DAB1: variants seen among roughly 807,000 people sequenced by gnomAD.
DAB1 encodes the protein disabled homolog 1.
A neutral mutation model predicts 64.6 loss-of-function variants in DAB1; 15 were observed. The ratio of observed to expected loss-of-function variants is 0.23; its 90% CI spans 0.16 to 0.36. The LOEUF (loss-of-function observed/expected upper bound fraction) is 0.36, where lower values mean the gene tolerates loss of function less well. DAB1 is among the 10% of genes least tolerant of loss of function. The probability of loss-of-function intolerance (pLI) is 1.00; values close to 1 mark genes in which losing one functional copy is unlikely to be tolerated. For synonymous variants in DAB1, 235 were observed against 251.9 expected, an observed-to-expected ratio of 0.93 and a Z score of 0.64; for missense variants, 596 against 706.7, an observed-to-expected ratio of 0.84 and a Z score of 1.78.
At chr1:58,246,634 G>C (rs115198631) in intron 4 of DAB1, among the ~76,000 whole-genome samples, 2,277 of 152,280 alleles carry the variant, frequency 0.015, 55 homozygotes, top group African/African-American at 0.052. Context: ...AGGTGTGCAT[G>C]TGTGAGTATG....
intron 4 of DAB1, among the ~76,000 whole-genome samples, chr1:58,231,032 C>T (rs111227362): frequency 6.6e-6 from 1 of 152,106 alleles, no homozygotes; most frequent in East Asian, 1.9e-4. Flanking sequence ...GCAATGGGGA[C>T]GATTATAGTG....
At chr1:58,129,539 A>C (rs1282682587) in intron 5 of DAB1, among the ~76,000 whole-genome samples, 1 of 128,768 alleles carries the variant, frequency 7.8e-6, no homozygotes, top group East Asian at 2.4e-4. Flanking sequence ...AGTTCTTTTA[A>C]TTGTGATGTT....
intron 4 of DAB1, among the ~76,000 whole-genome samples, chr1:58,320,081 T>C (rs1662647671): frequency 6.6e-6 from 1 of 152,230 alleles, no homozygotes; most frequent in African/African-American, 2.4e-5. Context: ...AGGTATGCTA[T>C]GGAGAGAGAA....
At chr1:57,968,108 G>A (rs920699434) in intron 5 of DAB1, among the ~76,000 whole-genome samples, 7 of 152,178 alleles carry the variant, frequency 4.6e-5, no homozygotes, top group African/African-American at 1.7e-4. Context: ...GTGGATGTGT[G>A]TGTGTGTGAA....
At chr1:57,308,205 C>G (rs903202192) in intron 1 of DAB1, among the ~76,000 whole-genome samples, 3 of 152,188 alleles carry the variant, frequency 2.0e-5, no homozygotes, top group African/African-American at 7.2e-5. Context: ...AATGAGCCAG[C>G]CTTGATTAGG....
At chr1:57,706,696 C>T in intron 6 of DAB1, among the ~76,000 whole-genome samples, 1 of 152,074 alleles carries the variant, frequency 6.6e-6, no homozygotes, top group East Asian at 1.9e-4. Flanking sequence ...TATCCTACCC[C>T]AACCAGGAAA....
chr1:58,057,289 T>C (rs999637836), intron 5 of DAB1, among the ~76,000 whole-genome samples: 4 of 152,164 alleles, frequency 2.6e-5, no homozygotes, highest in Non-Finnish European at 5.9e-5. Context: ...GCCACCCCCA[T>C]TGTACTGGGT....
chr1:58,426,317 A>G (rs936302055), intron 3 of DAB1, among the ~76,000 whole-genome samples: 1 of 152,168 alleles, frequency 6.6e-6, no homozygotes, highest in African/African-American at 2.4e-5. Flanking sequence ...GGATTTAGAC[A>G]GGGGACTTCA....
chr1:57,409,820 C>G (rs1037733537), intron 1 of DAB1, among the ~76,000 whole-genome samples: 2 of 152,060 alleles, frequency 1.3e-5, no homozygotes, highest in African/African-American at 2.4e-5. Flanking sequence ...AAAAAGCAAA[C>G]AAACAAACAA....
intron 1 of DAB1, among the ~76,000 whole-genome samples, chr1:57,408,889 C>A (rs192799619): frequency 6.6e-6 from 1 of 152,138 alleles, no homozygotes; most frequent in Non-Finnish European, 1.5e-5. Context: ...ATTTCTTAGG[C>A]GCCCTTGTCA....
chr1:57,778,761 A>G (rs1413290180), intron 6 of DAB1, among the ~76,000 whole-genome samples: 3 of 152,118 alleles, frequency 2.0e-5, no homozygotes, highest in Non-Finnish European at 1.5e-5. Flanking sequence ...CCTGTCACGT[A>G]GGAGAGTTGT....
At chr1:58,160,247 T>G (rs1422257078) in intron 4 of DAB1, among the ~76,000 whole-genome samples, 1 of 152,114 alleles carries the variant, frequency 6.6e-6, no homozygotes, top group Non-Finnish European at 1.5e-5. Flanking sequence ...TGAATGGCTC[T>G]GGGAACTTCT....
intron 7 of DAB1, among the ~76,000 whole-genome samples, chr1:57,486,302 C>A (rs1334417123): frequency 6.6e-6 from 1 of 152,160 alleles, no homozygotes; most frequent in Non-Finnish European, 1.5e-5. Flanking sequence ...AATTGCCTCA[C>A]CAGTCTTCAG....
chr1:58,530,588 G>A (rs373209306), intron 1 of DAB1: 6 of 869,804 alleles, frequency 6.9e-6, no homozygotes, highest in African/African-American at 4.9e-5. Context: ...TCAAGTTATT[G>A]TCTCAGACTT....
chr1:57,174,415 A>G (rs1055630668), intron 2 of DAB1, among the ~76,000 whole-genome samples: 19 of 152,218 alleles, frequency 1.2e-4, no homozygotes, highest in African/African-American at 4.6e-4. Context: ...CAAAATGATT[A>G]TAATATGCCC....
chr1:57,606,658 TGA>T, intron 7 of DAB1, among the ~76,000 whole-genome samples: 3 of 92,340 alleles, frequency 3.2e-5, no homozygotes, highest in Admixed American at 2.6e-4. Flanking sequence ...ATATTATGTA[TGA>T]AATATATATG....
intron 6 of DAB1, among the ~76,000 whole-genome samples, chr1:57,763,292 A>G (rs1649164216): frequency 6.6e-6 from 1 of 152,192 alleles, no homozygotes; most frequent in Non-Finnish European, 1.5e-5. Context: ...GCTTGTGTAG[A>G]TACATAGCCA....
intron 4 of DAB1, among the ~76,000 whole-genome samples, chr1:57,083,120 G>T (rs868829238): frequency 1.3e-5 from 2 of 152,064 alleles, no homozygotes; most frequent in Non-Finnish European, 2.9e-5. Flanking sequence ...CGTACTCTAC[G>T]TATATAATCC....
intron 3 of DAB1, among the ~76,000 whole-genome samples, chr1:58,456,004 G>A (rs530233384): frequency 3.9e-5 from 6 of 152,374 alleles, no homozygotes; most frequent in East Asian, 1.9e-4. Flanking sequence ...GTGGGCAGAC[G>A]ACATCACTTG....
Sources: gnomAD v4.1 joint callset for allele counts (sites outside exome capture counted in the v4.1 genomes callset) on GRCh38, gnomAD v4.1.1 for gene constraint, MANE v1.5 for transcripts, NCBI Gene and HGNC (gene_info 2026-07-23, HGNC 2026-07-21) for gene names.